The following PRKACB variants were observed in gnomAD, a reference collection of about 807,000 sequenced individuals.
PRKACB encodes cAMP-dependent protein kinase catalytic subunit beta.
Under a neutral mutation model 51.4 loss-of-function variants are expected in PRKACB, and 16 were observed. The ratio of observed to expected loss-of-function variants is 0.31; its 90% CI spans 0.21 to 0.47. PRKACB has a LOEUF of 0.47. Among genes scored for constraint, PRKACB ranks in the 20% least tolerant of loss-of-function variants. The pLI, the probability that PRKACB is intolerant of heterozygous loss-of-function variation, is 1.00. For missense variants in PRKACB, 309 were observed against 464.5 expected (o/e 0.67, Z 3.08); for synonymous variants, 147 against 154.4 (o/e 0.95, Z 0.35).
intron 9 of PRKACB, among the ~76,000 whole-genome samples, chr1:84,221,922 T>C (rs12066967): frequency 2.3e-3 from 354 of 152,290 alleles, no homozygotes; most frequent in African/African-American, 8.2e-3. Flanking sequence ...TAAAATGTTG[T>C]GTAAATGTCT....
intron 1 of PRKACB, among the ~76,000 whole-genome samples, chr1:84,094,825 ATAT>A (rs1648802764): frequency 6.6e-6 from 1 of 151,988 alleles, no homozygotes; most frequent in Admixed American, 6.6e-5. Context: ...GTGTGATTCA[ATAT>A]TATTTTTACT....
chr1:84,100,345 T>TG (rs1460719790), intron 1 of PRKACB, among the ~76,000 whole-genome samples: 2 of 152,088 alleles, frequency 1.3e-5, no homozygotes. Context: ...AAGATTTGAG[T>TG]GGGGACACAG....
intron 8 of PRKACB, among the ~76,000 whole-genome samples, chr1:84,211,027 A>G (rs1672050569): frequency 6.6e-6 from 1 of 151,894 alleles, no homozygotes; most frequent in East Asian, 1.9e-4. Context: ...ATCTCTGGGG[A>G]AGAGGGTGTG....
intron 1 of PRKACB, among the ~76,000 whole-genome samples, chr1:84,125,392 A>G (rs369877010): frequency 1.1e-3 from 165 of 152,334 alleles, no homozygotes; most frequent in African/African-American, 3.8e-3. Context: ...CTCTGCTTTC[A>G]AGAGCAAATT....
chr1:84,203,991 C>A (rs941903705), intron 8 of PRKACB, among the ~76,000 whole-genome samples: 15 of 151,902 alleles, frequency 9.9e-5, no homozygotes, highest in African/African-American at 3.6e-4. Flanking sequence ...CACAAGGTAC[C>A]CTGAATGTCT....
chr1:84,228,537 A>G (rs1675025205), intron 9 of PRKACB, among the ~76,000 whole-genome samples: 1 of 152,144 alleles, frequency 6.6e-6, no homozygotes, highest in East Asian at 1.9e-4. Flanking sequence ...TTAGCTTTTA[A>G]AATCTTTTCC....
intron 9 of PRKACB, among the ~76,000 whole-genome samples, chr1:84,220,879 C>T (rs187025525): frequency 1.8e-3 from 272 of 152,178 alleles, no homozygotes; most frequent in Non-Finnish European, 2.8e-3. Context: ...CTGTATTTCT[C>T]AGAGATGTTG....
intron 1 of PRKACB, among the ~76,000 whole-genome samples, chr1:84,122,605 A>G (rs1289759665): frequency 1.3e-5 from 2 of 152,192 alleles, no homozygotes; most frequent in African/African-American, 4.8e-5. Context: ...TTACCTTGCC[A>G]TTATATAGTA....
chr1:84,215,186 G>A (rs765429300), intron 9 of PRKACB, among the ~76,000 whole-genome samples: 18 of 151,194 alleles, frequency 1.2e-4, no homozygotes, highest in Admixed American at 2.0e-4. Flanking sequence ...GAAGGTCAAA[G>A]CAAATTATCT....
At chr1:84,214,066 T>G in intron 8 of PRKACB, 87 bp from the exon 9 acceptor site, 1 of 1,348,122 alleles carries the variant, frequency 7.4e-7, no homozygotes, top group Non-Finnish European at 9.9e-7. Context: ...AATGGCTTGT[T>G]GCCTTGAAAA....
intron 1 of PRKACB, among the ~76,000 whole-genome samples, chr1:84,124,061 A>G (rs537756683): frequency 2.0e-4 from 30 of 152,284 alleles, no homozygotes; most frequent in South Asian, 1.9e-3. Flanking sequence ...ACCTAAAGCT[A>G]TCTCATAAAA....
chr1:84,149,020 A>G (rs1285644712), intron 1 of PRKACB, among the ~76,000 whole-genome samples: 3 of 152,136 alleles, frequency 2.0e-5, no homozygotes, highest in Non-Finnish European at 2.9e-5. Context: ...CTTAGTCAGA[A>G]TCAGCATTTT....
intron 1 of PRKACB, among the ~76,000 whole-genome samples, chr1:84,116,262 T>C (rs886436932): frequency 6.6e-6 from 1 of 152,186 alleles, no homozygotes; most frequent in Non-Finnish European, 1.5e-5. Context: ...TAATATACTT[T>C]GAAATCAGGT....
chr1:84,179,848 C>T (rs1320855207), intron 2 of PRKACB, among the ~76,000 whole-genome samples: 2 of 151,274 alleles, frequency 1.3e-5, no homozygotes, highest in Admixed American at 6.6e-5. Flanking sequence ...GCAGAATGTG[C>T]AGGTTTGTTA....
At chr1:84,177,413 A>G (rs1476618692) in intron 1 of PRKACB, among the ~76,000 whole-genome samples, 1 of 152,054 alleles carries the variant, frequency 6.6e-6, no homozygotes, top group African/African-American at 2.4e-5. Context: ...TTTTAGAAGC[A>G]AGGATGACTT....
At chr1:84,179,774 A>T (rs534629578) in intron 2 of PRKACB, among the ~76,000 whole-genome samples, 1 of 152,094 alleles carries the variant, frequency 6.6e-6, no homozygotes, top group African/African-American at 2.4e-5. Context: ...TTGGAGTTAT[A>T]AATAATGAAT....
upstream of PRKACB, among the ~76,000 whole-genome samples, chr1:84,142,965 T>C (rs1273154998): frequency 2.0e-5 from 3 of 152,182 alleles, no homozygotes; most frequent in Non-Finnish European, 4.4e-5. Flanking sequence ...TAGATTGTTT[T>C]AGATAGACCT....
intron 1 of PRKACB, among the ~76,000 whole-genome samples, chr1:84,134,382 G>A (rs1051531636): frequency 6.6e-6 from 1 of 152,100 alleles, no homozygotes; most frequent in East Asian, 1.9e-4. Context: ...GAATTTTTCT[G>A]CCTCCTGTTC....
chr1:84,137,028 G>T (rs1159322712), intron 1 of PRKACB, among the ~76,000 whole-genome samples: 1 of 151,982 alleles, frequency 6.6e-6, no homozygotes, highest in Admixed American at 6.6e-5. Flanking sequence ...ACTTCTTCCT[G>T]CCACCTTGTG....
Sources: allele counts gnomAD v4.1 joint callset (sites outside exome capture counted in the v4.1 genomes callset), GRCh38; gene constraint gnomAD v4.1.1; transcripts MANE v1.5; gene names NCBI Gene and HGNC (gene_info 2026-07-23, HGNC 2026-07-21).